Variants in FHIT observed in about 807,000 individuals in gnomAD.
The protein encoded by FHIT is fragile histidine triad diadenosine triphosphatase.
In FHIT, 19 loss-of-function variants were observed where a neutral mutation model predicts 17.9. The observed-to-expected ratio is 1.06, with a 90% CI of 0.74 to 1.56. FHIT has a LOEUF of 1.56. Ranked by LOEUF, FHIT falls within the 40% of genes most tolerant of loss-of-function variation. The probability of loss-of-function intolerance (pLI) is 0.00; values close to 1 mark genes in which losing one functional copy is unlikely to be tolerated. For missense variants in FHIT, 248 were observed against 189.2 expected, an observed-to-expected ratio of 1.31 and a Z score of -1.82; for synonymous variants, 81 against 69.7, an observed-to-expected ratio of 1.16 and a Z score of -0.81.
intron 2 of FHIT, among the ~76,000 whole-genome samples, chr3:61,103,062 G>GCT (rs1280412898): frequency 6.6e-6 from 1 of 152,086 alleles, no homozygotes; most frequent in Non-Finnish European, 1.5e-5. Context: ...TTTCAGTTCT[G>GCT]CTCTGATCTT....
At chr3:60,685,847 C>A (rs2040850522) in intron 4 of FHIT, among the ~76,000 whole-genome samples, 1 of 152,084 alleles carries the variant, frequency 6.6e-6, no homozygotes, top group Non-Finnish European at 1.5e-5. Flanking sequence ...TTTACTTAAA[C>A]AAACATACAT....
At chr3:61,202,858 C>G (rs976231640) in intron 1 of FHIT, among the ~76,000 whole-genome samples, 4 of 152,056 alleles carry the variant, frequency 2.6e-5, no homozygotes, top group Admixed American at 6.6e-5. Flanking sequence ...TTGAGACCAG[C>G]CTGGCCAACG....
chr3:60,312,524 T>A (rs1316074681), intron 5 of FHIT, among the ~76,000 whole-genome samples: 1 of 152,162 alleles, frequency 6.6e-6, no homozygotes, highest in Non-Finnish European at 1.5e-5. Flanking sequence ...CAGTGGTCAT[T>A]CTACCAGGAA....
intron 8 of FHIT, among the ~76,000 whole-genome samples, chr3:59,891,033 A>C (rs1385471966): frequency 1.3e-5 from 2 of 152,238 alleles, no homozygotes; most frequent in East Asian, 3.8e-4. Context: ...TGCACTCAGC[A>C]TTTATGCAAC....
chr3:61,239,167 C>A (rs1286410990), intron 1 of FHIT, among the ~76,000 whole-genome samples: 3 of 152,066 alleles, frequency 2.0e-5, no homozygotes, highest in African/African-American at 7.2e-5. Flanking sequence ...GTCTAGACAG[C>A]AAACAGCATG....
rs184536944 is a variant in FHIT at position 61,038,382 on chromosome 3, G to C, written c.-111+3665C>G. Among the ~76,000 whole-genome samples, 67 of 152,308 alleles carry C rather than the reference G, an allele frequency of 4.4e-4. 1 individual carries two copies. The highest frequency in any genetic ancestry group is 1.5e-3 in the African/African-American group (62 of 41,570). On this transcript the variant is annotated intron_variant, in intron 3 of 9. Coordinates refer to ENST00000492590, the MANE Select transcript of FHIT (RefSeq NM_002012.4). ...AAACCAGAATGTGTGACTTCCTACA[G>C]AACAAAAGATCCTGCTTCTATAACA...
intron 3 of FHIT, among the ~76,000 whole-genome samples, chr3:60,955,614 A>ATATACATATATATATACATG (rs1559862333): frequency 8.2e-5 from 1 of 12,178 alleles, no homozygotes; most frequent in Non-Finnish European, 2.8e-4. Flanking sequence ...ATATATATAT[A>ATATACATATATATATACATG]TATATATATA....
chr3:60,586,469 A>T (rs781785528), intron 4 of FHIT, among the ~76,000 whole-genome samples: 6 of 152,078 alleles, frequency 3.9e-5, no homozygotes, highest in Non-Finnish European at 5.9e-5. Context: ...ACTATCATTC[A>T]ACCCAGAAAT....
At chr3:61,113,703 G>C (rs978592132) in intron 2 of FHIT, among the ~76,000 whole-genome samples, 6 of 152,268 alleles carry the variant, frequency 3.9e-5, no homozygotes, top group East Asian at 1.9e-4. Context: ...ACTAGAGCCA[G>C]GACCATGTCT....
intron 1 of FHIT, among the ~76,000 whole-genome samples, chr3:61,218,276 C>T (rs961109975): frequency 6.6e-6 from 1 of 151,922 alleles, no homozygotes; most frequent in East Asian, 1.9e-4. Context: ...AGAACAGTTG[C>T]CAGAGAAGTA....
intron 4 of FHIT, among the ~76,000 whole-genome samples, chr3:60,726,967 T>C (rs1003286373): frequency 2.2e-4 from 34 of 152,216 alleles, no homozygotes; most frequent in Admixed American, 2.0e-4. Context: ...GGCAATGCTG[T>C]CTTCAATATA....
intron 5 of FHIT, among the ~76,000 whole-genome samples, chr3:60,421,984 G>C (rs1478972218): frequency 6.6e-6 from 1 of 152,122 alleles, no homozygotes; most frequent in Non-Finnish European, 1.5e-5. Context: ...ATTAGAGATT[G>C]ATTTTTAGAG....
intron 4 of FHIT, among the ~76,000 whole-genome samples, chr3:60,574,488 C>T (rs929662557): frequency 5.5e-4 from 83 of 151,702 alleles, no homozygotes; most frequent in African/African-American, 2.0e-3. Flanking sequence ...TTGAGGCAGG[C>T]ACTACGAGCT....
rs75907232 is a variant in FHIT at position 61,119,237 on chromosome 3, G to A, written c.-163-77138C>T. Among the ~76,000 whole-genome samples, 145 of 149,574 alleles carry A rather than the reference G, an allele frequency of 9.7e-4. 2 individuals are homozygous for A. The highest frequency in any genetic ancestry group is 9.5e-3 in the East Asian group (49 of 5,134). On this transcript the variant is annotated intron_variant, in intron 2 of 9. Coordinates refer to ENST00000492590, the MANE Select transcript of FHIT (RefSeq NM_002012.4). ...CTGTGATAGTAATTTTTTTTTTTTCGAGATGGAGTCTAGCTCTGTCGCCCA... is the reference window on the plus strand; with the variant it reads ...CTGTGATAGTAATTTTTTTTTTTTCAAGATGGAGTCTAGCTCTGTCGCCCA...
chr3:60,225,762 A>T (rs1401782664), intron 5 of FHIT, among the ~76,000 whole-genome samples: 2 of 152,188 alleles, frequency 1.3e-5, no homozygotes, highest in Admixed American at 6.5e-5. Context: ...TTGTAACTGA[A>T]GATAACAGAC....
chr3:60,911,900 C>A (rs1706762936), intron 3 of FHIT, among the ~76,000 whole-genome samples: 1 of 152,082 alleles, frequency 6.6e-6, no homozygotes, highest in African/African-American at 2.4e-5. Context: ...TAAAGAATAA[C>A]CGATATTTAT....
At chr3:60,062,827 G>C (rs919098902) in intron 5 of FHIT, among the ~76,000 whole-genome samples, 2 of 152,150 alleles carry the variant, frequency 1.3e-5, no homozygotes, top group Admixed American at 6.5e-5. Flanking sequence ...TTGCAGGAGA[G>C]TCATGTTCAT....
At chr3:60,155,356 C>G (rs1216060200) in intron 5 of FHIT, among the ~76,000 whole-genome samples, 1 of 152,138 alleles carries the variant, frequency 6.6e-6, no homozygotes, top group Non-Finnish European at 1.5e-5. Flanking sequence ...GATCCTGAAC[C>G]AAACACAGCA....
chr3:60,260,908 C>T (rs213404), intron 5 of FHIT, among the ~76,000 whole-genome samples: 1 of 151,836 alleles, frequency 6.6e-6, no homozygotes, highest in Non-Finnish European at 1.5e-5. Flanking sequence ...CTCCCACCAG[C>T]GCCATGACAG....
Sources: allele counts gnomAD v4.1 joint callset (sites outside exome capture counted in the v4.1 genomes callset), GRCh38; gene constraint gnomAD v4.1.1; transcripts MANE v1.5; gene names NCBI Gene and HGNC (gene_info 2026-07-23, HGNC 2026-07-21).